Variants in BMP2K observed in about 807,000 individuals in gnomAD.
BMP2K encodes the protein BMP2 inducible kinase, also known as BMP-2-inducible protein kinase.
A neutral mutation model predicts 116.0 loss-of-function variants in BMP2K; 74 were observed. The observed-to-expected ratio is 0.64, with a 90% CI of 0.53 to 0.77. The LOEUF (loss-of-function observed/expected upper bound fraction) is 0.77, where lower values mean the gene tolerates loss of function less well. BMP2K is among the 30% of genes least tolerant of loss of function. The pLI, the probability that BMP2K is intolerant of heterozygous loss-of-function variation, is 0.00. For synonymous variants in BMP2K, 486 were observed against 502.5 expected (o/e 0.97, Z 0.44); for missense variants, 1,365 against 1,403.6 (o/e 0.97, Z 0.44).
At chr4:78,899,992 C>T (rs757632747) in intron 15 of BMP2K, among the ~76,000 whole-genome samples, 9 of 152,080 alleles carry the variant, frequency 5.9e-5, no homozygotes, top group African/African-American at 1.4e-4. Context: ...TATATACAGT[C>T]GATCCTTGAA....
rs1734800421 is a variant in BMP2K, at chr4:78,913,641, GTGCCCCAATGGGATAAGCTATT to G, written c.*1613_*1634del. 6.6e-6 allele frequency: 1 copy of G among 152,218 alleles called. No homozygotes were observed. Among genetic ancestry groups the G allele is most frequent in the South Asian group, 2.1e-4 (1 of 4,826 alleles). The allele number at this position is 152,218 out of a possible 1,614,324, so 9.4% of individuals were successfully genotyped here. A position where few individuals can be genotyped will look rare whatever the true frequency, so the allele number is the denominator to read the frequency against. On this transcript the variant is annotated 3_prime_UTR_variant, in exon 16 of 16. Coordinates refer to ENST00000502613, the MANE Select transcript of BMP2K (RefSeq NM_198892.2). Reference sequence around the variant, plus strand: ...GTAATTTTATTAGGAATCTCTTATAGTGCCCCAATGGGATAAGCTATTTGCCTATTTTCACAGTTCTGAACTT... The same window carrying G: ...GTAATTTTATTAGGAATCTCTTATAGTGCCTATTTTCACAGTTCTGAACTT...
At chr4:78,779,351 A>G (rs1220924684) in intron 1 of BMP2K, among the ~76,000 whole-genome samples, 3 of 152,170 alleles carry the variant, frequency 2.0e-5, no homozygotes, top group Non-Finnish European at 4.4e-5. Context: ...ATTATCTCAC[A>G]CTTGTATTTT....
At chr4:78,888,647 G>A (rs920655487) in intron 15 of BMP2K, among the ~76,000 whole-genome samples, 2 of 152,158 alleles carry the variant, frequency 1.3e-5, no homozygotes, top group African/African-American at 4.8e-5. Flanking sequence ...TCTTTTCTCT[G>A]GACACCCTTA....
intron 15 of BMP2K, among the ~76,000 whole-genome samples, chr4:78,900,429 G>A (rs1467756754): frequency 6.6e-6 from 1 of 152,098 alleles, no homozygotes; most frequent in Non-Finnish European, 1.5e-5. Context: ...TGAAAGTGAA[G>A]GAAGGAGAAG....
intron 7 of BMP2K, among the ~76,000 whole-genome samples, chr4:78,858,355 A>G (rs1303559116): frequency 6.6e-6 from 1 of 151,938 alleles, no homozygotes; most frequent in African/African-American, 2.4e-5. Context: ...TAAACTAGCA[A>G]ATATTAGAAT....
intron 12 of BMP2K, chr4:78,872,410 T>A (rs941482070): frequency 2.6e-6 from 1 of 388,528 alleles, no homozygotes; most frequent in Non-Finnish European, 4.5e-6. Context: ...TCTGGCCAAG[T>A]GAGCCTACCT....
intron 10 of BMP2K, among the ~76,000 whole-genome samples, chr4:78,868,752 C>G (rs886472002): frequency 5.9e-5 from 9 of 152,070 alleles, no homozygotes; most frequent in African/African-American, 1.4e-4. Flanking sequence ...TGGGGTGGTC[C>G]AATTTAAAAG....
intron 2 of BMP2K, among the ~76,000 whole-genome samples, chr4:78,829,316 A>G (rs184432896): frequency 1.3e-5 from 2 of 152,118 alleles, no homozygotes; most frequent in Non-Finnish European, 2.9e-5. Flanking sequence ...TCAAGAGACC[A>G]CTATCTTTGC....
chr4:78,879,242 G>C (rs894925540), intron 14 of BMP2K: 17 of 1,019,510 alleles, frequency 1.7e-5, no homozygotes, highest in Middle Eastern at 4.8e-4. Context: ...TAATGATTTT[G>C]CAGCTCTGTT....
intron 1 of BMP2K, among the ~76,000 whole-genome samples, chr4:78,792,018 C>G (rs757567944): frequency 6.6e-6 from 1 of 152,106 alleles, no homozygotes; most frequent in Admixed American, 6.5e-5. Context: ...GAGGAATTGC[C>G]GCACTGTTGT....
At position 78,849,179 on chromosome 4, in the gene BMP2K, G is replaced by A. The variant is rs185813095; in HGVS notation, c.751-1745G>A. On this transcript the variant is annotated intron_variant, in intron 6 of 15. Transcript: ENST00000502613. ...AGATTTAGGATGCTGATTTTATAAA[G>A]TATTAGAAAATTCATTAATAGGTAA... Among the ~76,000 whole-genome samples the A allele has an allele frequency of 5.6e-4, 84 of 151,282 alleles. 1 individual carries two copies. The highest frequency in any genetic ancestry group is 2.0e-3 in the African/African-American group (82 of 41,410).
intron 15 of BMP2K, 128 bp from the exon 16 acceptor site, chr4:78,910,482 T>C (rs1295957339): frequency 1.3e-6 from 1 of 782,514 alleles, no homozygotes; most frequent in Non-Finnish European, 2.0e-6. Flanking sequence ...ATTGACAACA[T>C]TATTTTTTCC....
chr4:78,868,245 A>G lies in BMP2K; in HGVS notation c.1231+2525A>G, dbSNP rs114170752. Among the ~76,000 whole-genome samples, 187 of 152,216 alleles carry G rather than the reference A, an allele frequency of 1.2e-3. 1 individual carries two copies. The highest frequency in any genetic ancestry group is 4.3e-3 in the African/African-American group (180 of 41,516). ...GCGGGTGGTGAAAGGCACTTCTTAC[A>G]TGGCGGCAACAAGAGAAAATGAGGA... On this transcript the variant is annotated intron_variant, in intron 10 of 15. Coordinates refer to ENST00000502613, the MANE Select transcript of BMP2K (RefSeq NM_198892.2).
rs1560561281 is a variant in BMP2K, at chr4:78,911,758, G to C, written c.3211G>C (p.Ala1071Pro). The C allele has an allele frequency of 6.2e-7, 1 of 1,613,996 alleles. No individual in the cohort carries two copies. The highest frequency in any genetic ancestry group is 8.5e-7 in the Non-Finnish European group (1 of 1,179,882). Residue 1071 changes from alanine (A) to proline (P), a missense_variant, in exon 16 of 16, where the codon GCC becomes CCC. Physicochemically the swap from Ala to Pro is conservative, Grantham distance 27. Coordinates refer to ENST00000502613, the MANE Select transcript of BMP2K (RefSeq NM_198892.2). ...GGAGAGCCTGTTGGACCCCTTCGGT[G>C]CCAAGCCCTTCCATTCTCCAGACCT... ...PEESLLDPFG[A>P]KPFHSPDLSW...
intron 2 of BMP2K, among the ~76,000 whole-genome samples, chr4:78,828,347 C>G (rs1409000401): frequency 6.6e-6 from 1 of 152,200 alleles, no homozygotes; most frequent in South Asian, 2.1e-4. Flanking sequence ...GGAAGGGGTA[C>G]AGAGCTTCCT....
In BMP2K at chr4:78,911,435, C is replaced by T. The variant is rs370861712; in HGVS notation, c.2888C>T (p.Thr963Met). 1.2e-5 allele frequency: 20 copies of T among 1,613,978 alleles called. No homozygotes were observed. The African/African-American group carries it at 2.0e-4, about 16-fold the overall frequency. The change falls in exon 16 of 16, where the codon ACG (threonine) becomes ATG (methionine). Residue 963 changes from threonine to methionine, a missense_variant. This residue lies in a region of BMP2K where 596 missense variants were observed against 623.2 expected (regional missense o/e 0.96). Coordinates refer to ENST00000502613, the MANE Select transcript of BMP2K (RefSeq NM_198892.2). ...GGGCTTGTGCCCTTTGATGAAATAA[C>T]GGGGAGCCAGCAGCAAAAAGTCAAA... is the stretch of plus-strand genomic sequence containing the variant. ...LFGLVPFDEI[T>M]GSQQQKVKQR...
intron 12 of BMP2K, chr4:78,872,303 C>CTTTT (rs34599936): frequency 0.2 from 18,440 of 91,708 alleles, 3,512 homozygotes; most frequent in African/African-American, 0.26. Context: ...ATAATTTGAC[C>CTTTT]TTTTTTTTTT....
intron 7 of BMP2K, among the ~76,000 whole-genome samples, chr4:78,851,690 G>A (rs1266682786): frequency 6.7e-6 from 1 of 148,354 alleles, no homozygotes; most frequent in Admixed American, 6.6e-5. Context: ...TTTCTCAGCC[G>A]TTTGTGGGCA....
intron 2 of BMP2K, among the ~76,000 whole-genome samples, chr4:78,829,753 A>ATCCTTTTCTTTTCTTT (rs1553915806): frequency 7.5e-4 from 92 of 122,052 alleles, no homozygotes; most frequent in African/African-American, 3.0e-3. Context: ...CATGGAAACA[A>ATCCTTTTCTTTTCTTT]TCTTTTCTTT....
Sources: allele counts gnomAD v4.1 joint callset (sites outside exome capture counted in the v4.1 genomes callset), GRCh38; gene constraint gnomAD v4.1.1; regional missense constraint gnomAD v4.1.1; transcripts MANE v1.5; gene names NCBI Gene and HGNC (gene_info 2026-07-23, HGNC 2026-07-21).